P4HA1: variants seen among roughly 807,000 people sequenced by gnomAD.
P4HA1 encodes prolyl 4-hydroxylase subunit alpha 1, also known as prolyl 4-hydroxylase subunit alpha-1.
In P4HA1, 24 loss-of-function variants were observed where a neutral mutation model predicts 72.8. The ratio of observed to expected loss-of-function variants is 0.33; its 90% CI spans 0.24 to 0.46. The LOEUF is 0.46. Among genes scored for constraint, P4HA1 ranks in the 20% least tolerant of loss-of-function variants. The probability of loss-of-function intolerance (pLI) is 1.00; values close to 1 mark genes in which losing one functional copy is unlikely to be tolerated. For missense variants in P4HA1, 446 were observed against 640.6 expected, an observed-to-expected ratio of 0.70 and a Z score of 3.28; for synonymous variants, 201 against 218.8, an observed-to-expected ratio of 0.92 and a Z score of 0.72.
chr10:73,023,458 TCA>T (rs1199735995), intron 10 of P4HA1, among the ~76,000 whole-genome samples: 1 of 152,178 alleles, frequency 6.6e-6, no homozygotes, highest in Non-Finnish European at 1.5e-5. Context: ...AGAGATTTTG[TCA>T]CCACCAGGCC....
Position 73,030,300 on chromosome 10 carries a change from G to T in P4HA1, c.1219C>A (p.Leu407Ile). 1 of 1,567,988 alleles carries T rather than the reference G, an allele frequency of 6.4e-7. No homozygotes were observed. Among genetic ancestry groups the T allele is most frequent in the Non-Finnish European group, 8.7e-7 (1 of 1,148,486 alleles). The change falls in exon 10 of 15, where the codon CTA becomes ATA. Residue 407 changes from leucine (L) to isoleucine (I), a missense_variant. Leu to Ile is a conservative substitution (Grantham distance 5, BLOSUM62 2). Coordinates refer to ENST00000394890, the MANE Select transcript of P4HA1 (RefSeq NM_001017962.3). ...AATTCCTCTGCTGTGGAAACATCTA[G>T]TCCTGTTAGATCTTGTATTCTCATA... ...INMRIQDLTG[L>I]DVSTAEELQV...
intron 10 of P4HA1, 141 bp downstream of exon 10, chr10:73,030,130 G>T: frequency 2.4e-6 from 1 of 416,152 alleles, no homozygotes; most frequent in South Asian, 8.8e-5. Flanking sequence ...AAATCACTTT[G>T]CATGGTTGCA....
chr10:73,096,738 A>T (rs1014497688), intron 1 of P4HA1, 28 bp downstream of exon 1: 5 of 153,418 alleles, frequency 3.3e-5, no homozygotes, highest in Non-Finnish European at 7.3e-5. Context: ...CAGTGGCCTC[A>T]GTCTCCGGGA....
chr10:73,037,563 ATATATATATTT>A lies in P4HA1; in HGVS notation c.1149-7204_1149-7194del, dbSNP rs1394407174. ...TATATATATATATATATATATATAT[ATATATATATTT>A]TTTTTTTTTTTTTTTTACAAAGGCA... On this transcript the variant is annotated intron_variant, in intron 9 of 14. Coordinates refer to ENST00000394890, the MANE Select transcript of P4HA1 (RefSeq NM_001017962.3). Among the ~76,000 whole-genome samples the A allele has an allele frequency of 5.4e-3, 175 of 32,544 alleles. 5 individuals are homozygous for A. The highest frequency in any genetic ancestry group is 0.016 in the African/African-American group (119 of 7,644). The allele number at this position is 32,544 out of a possible 152,430, so 21.4% of individuals were successfully genotyped here. A position where few individuals can be genotyped will look rare whatever the true frequency, so the allele number is the denominator to read the frequency against.
At chr10:73,008,634 T>G (rs1839844229) in intron 14 of P4HA1, among the ~76,000 whole-genome samples, 1 of 151,886 alleles carries the variant, frequency 6.6e-6, no homozygotes. Flanking sequence ...CAGGTAAGAG[T>G]AGAATATTGC....
intron 12 of P4HA1, among the ~76,000 whole-genome samples, chr10:73,011,769 C>T (rs993931874): frequency 2.6e-5 from 4 of 152,006 alleles, no homozygotes; most frequent in African/African-American, 9.7e-5. Flanking sequence ...ATCAGAGCTG[C>T]ATCTAAAACA....
chr10:73,080,763 C>T (rs770775257), intron 1 of P4HA1, among the ~76,000 whole-genome samples: 1 of 152,042 alleles, frequency 6.6e-6, no homozygotes, highest in Non-Finnish European at 1.5e-5. Flanking sequence ...CCCGTCTCTA[C>T]TAAAAATACA....
Position 73,008,252 on chromosome 10 carries a change from T to C in P4HA1, c.1575A>G (p.Arg525=). The C allele has an allele frequency of 6.2e-7, 1 of 1,609,588 alleles. No homozygotes were observed. Among genetic ancestry groups the C allele is most frequent in the Non-Finnish European group, 8.5e-7 (1 of 1,176,102 alleles). The change falls in exon 15 of 15, where the codon CGA becomes CGG. Residue 525 remains arginine, a synonymous_variant. Coordinates refer to ENST00000394890, the MANE Select transcript of P4HA1 (RefSeq NM_001017962.3). ...KWLHERGQEF[R]RPCTLSELE ...CCAATTCTGACAACGTACAAGGTCT[T>C]CGAAATTCTTGTCCACGTTCATGGA... is the stretch of plus-strand genomic sequence containing the variant.
intron 9 of P4HA1, among the ~76,000 whole-genome samples, chr10:73,037,562 TATA>T (rs1256265165): frequency 4.1e-4 from 14 of 34,186 alleles, no homozygotes; most frequent in African/African-American, 1.1e-3. Context: ...TATATATATA[TATA>T]TATATATTTT....
intron 14 of P4HA1, among the ~76,000 whole-genome samples, chr10:73,008,826 A>ATTT (rs10649250): frequency 0.025 from 3,743 of 149,030 alleles, 163 homozygotes; most frequent in African/African-American, 0.088. Context: ...TTAATTTTCT[A>ATTT]TTTTTTTTTT....
rs201525881 is a variant in P4HA1, at chr10:73,053,593, A to G, written c.464-3T>C. On this transcript the variant is annotated splice_region_variant and splice_polypyrimidine_tract_variant and intron_variant, in intron 5 of 14. Coordinates refer to ENST00000394890, the MANE Select transcript of P4HA1 (RefSeq NM_001017962.3). ...TAGAAAAGATTTGTGTTTCACTCCT[A>G]TGAAAAGAAAATACAGAGAACTTTA... is the stretch of plus-strand genomic sequence containing the variant. 4.4e-5 allele frequency: 71 copies of G among 1,612,510 alleles called. No individual in the cohort carries two copies. Among genetic ancestry groups the G allele is most frequent in the Admixed American group, 1.0e-4 (6 of 59,860 alleles).
At chr10:73,023,084 T>A (rs1017054056) in intron 10 of P4HA1, among the ~76,000 whole-genome samples, 3 of 152,066 alleles carry the variant, frequency 2.0e-5, no homozygotes, top group Admixed American at 1.3e-4. Flanking sequence ...CAGGAAATTA[T>A]CCAGGAGAAT....
chr10:73,095,185 T>G (rs866486582), intron 1 of P4HA1, among the ~76,000 whole-genome samples: 29 of 140,952 alleles, frequency 2.1e-4, no homozygotes, highest in Middle Eastern at 7.5e-3. Flanking sequence ...AAAAGTAAAA[T>G]TTGAAGTTCA....
chr10:73,009,177 T>C (rs1210953814), intron 14 of P4HA1, among the ~76,000 whole-genome samples: 3 of 152,224 alleles, frequency 2.0e-5, no homozygotes, highest in Non-Finnish European at 2.9e-5. Context: ...ATGTCCTGTA[T>C]GTAACCACTC....
rs200859311 is a variant in P4HA1 at position 73,047,038 on chromosome 10, T to G, written c.964A>C (p.Ile322Leu). The change falls in exon 8 of 15, where the codon ATT becomes CTT. Residue 322 changes from isoleucine to leucine, a missense_variant. Ile to Leu is a conservative substitution (Grantham distance 5, BLOSUM62 2). Coordinates refer to ENST00000394890, the MANE Select transcript of P4HA1 (RefSeq NM_001017962.3). ...TCCTCCTGTTTAGCTGGAGCCAGAATAAATTTAGGATTACGGTTTCCATCA... is the reference window on the plus strand; with the variant it reads ...TCCTCCTGTTTAGCTGGAGCCAGAAGAAATTTAGGATTACGGTTTCCATCA... ...YHDGNRNPKF[I>L]LAPAKQEDEW... is the part of the protein sequence containing the mutation. The G allele has an allele frequency of 3.3e-5, 53 of 1,613,606 alleles. No homozygotes were observed. The highest frequency in any genetic ancestry group is 4.2e-5 in the Non-Finnish European group (49 of 1,179,676).
Position 73,038,910 on chromosome 10 carries a change from G to A in P4HA1, c.1148+6071C>T, listed in dbSNP as rs1840666721. 2.6e-5 allele frequency among the ~76,000 whole-genome samples: 4 copies of A among 151,842 alleles called. 1 individual carries two copies. The South Asian group carries it at 8.3e-4, about 32-fold the overall frequency. Reference sequence around the variant, plus strand: ...CAAAGTGCTGGGATTACAGGCGTGAGCCACCGTGCCCGGCCTTTATTTGCT... The same window carrying A: ...CAAAGTGCTGGGATTACAGGCGTGAACCACCGTGCCCGGCCTTTATTTGCT... On this transcript the variant is annotated intron_variant, in intron 9 of 14. Coordinates refer to ENST00000394890, the MANE Select transcript of P4HA1 (RefSeq NM_001017962.3).
chr10:73,021,481 C>G (rs1407066083), intron 10 of P4HA1, among the ~76,000 whole-genome samples: 1 of 152,182 alleles, frequency 6.6e-6, no homozygotes, highest in Non-Finnish European at 1.5e-5. Context: ...AAACACTATT[C>G]AGCCATAAGA....
intron 9 of P4HA1, among the ~76,000 whole-genome samples, chr10:73,032,578 TTCC>T (rs1840456141): frequency 6.6e-6 from 1 of 152,204 alleles, no homozygotes; most frequent in South Asian, 2.1e-4. Context: ...GCAGCAACAT[TTCC>T]TCAAGAACGT....
chr10:73,038,603 T>C (rs1290441667), intron 9 of P4HA1, among the ~76,000 whole-genome samples: 1 of 150,870 alleles, frequency 6.6e-6, no homozygotes, highest in Non-Finnish European at 1.5e-5. Context: ...CTGTAGTAAA[T>C]TCTTAGGGTT....
Sources: gnomAD v4.1 joint callset for allele counts (sites outside exome capture counted in the v4.1 genomes callset) on GRCh38, gnomAD v4.1.1 for gene constraint, MANE v1.5 for transcripts, NCBI Gene and HGNC (gene_info 2026-07-23, HGNC 2026-07-21) for gene names.